SUPT3H: variants seen among roughly 807,000 people sequenced by gnomAD.
SUPT3H encodes the protein transcription initiation protein SPT3 homolog.
Under a neutral mutation model 44.3 loss-of-function variants are expected in SUPT3H, and 44 were observed. That is an observed-to-expected ratio of 0.99 (90% CI 0.78 to 1.28). The LOEUF (loss-of-function observed/expected upper bound fraction) is 1.28, where lower values mean the gene tolerates loss of function less well. Ranked by LOEUF, SUPT3H falls within the 50% of genes most tolerant of loss-of-function variation. SUPT3H has a pLI of 0.00. For synonymous variants in SUPT3H, 124 were observed against 125.6 expected, an observed-to-expected ratio of 0.99 and a Z score of 0.09; for missense variants, 380 against 387.1, an observed-to-expected ratio of 0.98 and a Z score of 0.15.
intron 1 of SUPT3H, among the ~76,000 whole-genome samples, chr6:45,372,530 A>AT (rs1796226530): frequency 6.6e-6 from 1 of 152,208 alleles, no homozygotes; most frequent in African/African-American, 2.4e-5. Context: ...ACATTTCAAG[A>AT]TTTTTTAATG....
chr6:45,146,272 C>T (rs116711472), intron 2 of SUPT3H, among the ~76,000 whole-genome samples: 6,116 of 152,178 alleles, frequency 0.04, 175 homozygotes, highest in Non-Finnish European at 0.064. Flanking sequence ...GGCCTAAATG[C>T]CCATCAATCA....
intron 3 of SUPT3H, among the ~76,000 whole-genome samples, chr6:45,023,639 C>T (rs776878525): frequency 1.1e-4 from 17 of 151,916 alleles, no homozygotes; most frequent in Middle Eastern, 3.4e-3. Flanking sequence ...TGGATGGAGT[C>T]GGAGGCTAAC....
chr6:45,176,444 A>T (rs978797496), intron 2 of SUPT3H, among the ~76,000 whole-genome samples: 1 of 152,128 alleles, frequency 6.6e-6, no homozygotes, highest in African/African-American at 2.4e-5. Flanking sequence ...AGTCTCCCTG[A>T]TTGCTAGCAC....
At chr6:45,354,361 A>T (rs1208044180) in intron 2 of SUPT3H, among the ~76,000 whole-genome samples, 1 of 152,212 alleles carries the variant, frequency 6.6e-6, no homozygotes, top group African/African-American at 2.4e-5. Flanking sequence ...TTGCCAAAAA[A>T]GCACAGTAAT....
intron 10 of SUPT3H, among the ~76,000 whole-genome samples, chr6:44,847,958 CTTT>C (rs969869912): frequency 5.1e-5 from 3 of 58,348 alleles, no homozygotes; most frequent in Admixed American, 2.0e-4. Context: ...ATCTCTGTGT[CTTT>C]TTTTTTTTTT....
intron 2 of SUPT3H, among the ~76,000 whole-genome samples, chr6:45,155,902 TAC>T (rs1019372059): frequency 1.2e-4 from 18 of 152,064 alleles, no homozygotes; most frequent in African/African-American, 4.3e-4. Flanking sequence ...TAGGCCAATC[TAC>T]CCAAAAATGG....
At chr6:45,213,615 A>G (rs1021539428) in intron 2 of SUPT3H, among the ~76,000 whole-genome samples, 1 of 152,178 alleles carries the variant, frequency 6.6e-6, no homozygotes, top group African/African-American at 2.4e-5. Context: ...AATATTAATC[A>G]TAAGTGACCA....
At chr6:44,914,279 G>C (rs1246153364) in intron 10 of SUPT3H, among the ~76,000 whole-genome samples, 2 of 152,200 alleles carry the variant, frequency 1.3e-5, no homozygotes, top group African/African-American at 4.8e-5. Context: ...TGACAGCAAA[G>C]TTCTTTCTTG....
intron 4 of SUPT3H, among the ~76,000 whole-genome samples, chr6:45,017,029 T>C (rs1347804879): frequency 8.0e-5 from 12 of 150,488 alleles, no homozygotes; most frequent in East Asian, 1.9e-4. Flanking sequence ...TTTTAATGAT[T>C]GCCATTCTAA....
chr6:45,072,401 T>C (rs1164262908), intron 3 of SUPT3H, among the ~76,000 whole-genome samples: 1 of 152,204 alleles, frequency 6.6e-6, no homozygotes, highest in Non-Finnish European at 1.5e-5. Context: ...GTTATCAGTC[T>C]ACAAGGTCAG....
chr6:44,857,030 A>C (rs925019747), intron 10 of SUPT3H, among the ~76,000 whole-genome samples: 15 of 152,208 alleles, frequency 9.9e-5, no homozygotes, highest in Non-Finnish European at 4.4e-5. Context: ...TATATCATAA[A>C]CTAACCCAAA....
chr6:45,057,448 A>ATCCTG (rs1435048558), intron 3 of SUPT3H, among the ~76,000 whole-genome samples: 1 of 152,154 alleles, frequency 6.6e-6, no homozygotes, highest in Non-Finnish European at 1.5e-5. Flanking sequence ...GTGATGACAC[A>ATCCTG]AAACCCAACA....
intron 11 of SUPT3H, among the ~76,000 whole-genome samples, chr6:44,816,404 ACT>A (rs1205353646): frequency 6.6e-6 from 1 of 152,160 alleles, no homozygotes; most frequent in African/African-American, 2.4e-5. Context: ...AACTATCAAA[ACT>A]CTCTCAAGAA....
intron 10 of SUPT3H, among the ~76,000 whole-genome samples, chr6:44,897,809 G>C (rs1032059967): frequency 6.6e-6 from 1 of 152,142 alleles, no homozygotes; most frequent in Non-Finnish European, 1.5e-5. Flanking sequence ...TCTTTGCTAT[G>C]CTCTTCTTTC....
intron 10 of SUPT3H, among the ~76,000 whole-genome samples, chr6:44,893,111 C>A (rs1032277334): frequency 1.3e-5 from 2 of 152,168 alleles, no homozygotes; most frequent in African/African-American, 4.8e-5. Context: ...TCATTTACAG[C>A]AGAGGCCTGT....
chr6:44,825,729 G>A (rs1767695555), downstream of SUPT3H, among the ~76,000 whole-genome samples: 3 of 152,184 alleles, frequency 2.0e-5, no homozygotes, highest in Admixed American at 2.0e-4. Context: ...TTGATAGCAA[G>A]TAGAGTGTTA....
At chr6:45,336,882 A>T (rs976964423) in intron 2 of SUPT3H, among the ~76,000 whole-genome samples, 1 of 151,620 alleles carries the variant, frequency 6.6e-6, no homozygotes, top group Non-Finnish European at 1.5e-5. Context: ...ATCCAGAAAC[A>T]TCTTAAATGC....
rs118024450 is a variant in SUPT3H, at chr6:45,306,428, G to A, written c.101+58773C>T. 1.2e-4 allele frequency among the ~76,000 whole-genome samples: 19 copies of A among 152,116 alleles called. No homozygotes were observed. In the East Asian group the frequency reaches 1.6e-3, roughly 12 times the overall value. On this transcript the variant is annotated intron_variant, in intron 2 of 10. Coordinates refer to ENST00000371459, the MANE Select transcript of SUPT3H (RefSeq NM_003599.4). ...CCAATCTTGGTCTAAAATCAACCTC[G>A]GCTGGCAGAGCTACACAGATTACCC...
At chr6:44,951,016 A>T (rs2153472840) in intron 9 of SUPT3H, among the ~76,000 whole-genome samples, 1 of 152,072 alleles carries the variant, frequency 6.6e-6, no homozygotes, top group African/African-American at 2.4e-5. Context: ...GACTCTATAT[A>T]ATCTGAGCCT....
Sources: gnomAD v4.1 joint callset for allele counts (sites outside exome capture counted in the v4.1 genomes callset) on GRCh38, gnomAD v4.1.1 for gene constraint, MANE v1.5 for transcripts, NCBI Gene and HGNC (gene_info 2026-07-23, HGNC 2026-07-21) for gene names.